RABGAP1L: variants seen among roughly 807,000 people sequenced by gnomAD.
RABGAP1L encodes rab GTPase-activating protein 1-like.
RABGAP1L carries 63 observed loss-of-function variants against 137.7 expected under a neutral mutation model. The observed-to-expected ratio is 0.46, with a 90% CI of 0.37 to 0.56. RABGAP1L has a LOEUF of 0.56. Among genes scored for constraint, RABGAP1L ranks in the 20% least tolerant of loss-of-function variants. The probability of loss-of-function intolerance (pLI) is 0.00; values close to 1 mark genes in which losing one functional copy is unlikely to be tolerated. For synonymous variants in RABGAP1L, 431 were observed against 433.7 expected (o/e 0.99, Z 0.08); for missense variants, 1,095 against 1,244.0 (o/e 0.88, Z 1.80).
At chr1:174,460,817 C>G (rs1380841423) in intron 13 of RABGAP1L, among the ~76,000 whole-genome samples, 3 of 151,800 alleles carry the variant, frequency 2.0e-5, no homozygotes, top group African/African-American at 7.3e-5. Flanking sequence ...TTTTTTCTTC[C>G]CTACACTAAA....
intron 13 of RABGAP1L, among the ~76,000 whole-genome samples, chr1:174,437,319 G>C (rs1433785330): frequency 6.7e-6 from 1 of 150,100 alleles, no homozygotes; most frequent in Non-Finnish European, 1.5e-5. Context: ...TAAAAACTTT[G>C]AAAAAAAATT....
chr1:174,704,847 A>T (rs1406855604), intron 17 of RABGAP1L, among the ~76,000 whole-genome samples: 1 of 152,202 alleles, frequency 6.6e-6, no homozygotes, highest in Non-Finnish European at 1.5e-5. Context: ...CCGCTATTTT[A>T]TAGGGCAATA....
At chr1:174,828,520 A>T (rs1324330414) in intron 19 of RABGAP1L, among the ~76,000 whole-genome samples, 6 of 148,198 alleles carry the variant, frequency 4.0e-5, no homozygotes, top group African/African-American at 1.5e-4. Context: ...GGAGTGGACA[A>T]GTCTAGGTTT....
At chr1:174,692,025 A>T (rs1678911533) in intron 15 of RABGAP1L, among the ~76,000 whole-genome samples, 1 of 152,200 alleles carries the variant, frequency 6.6e-6, no homozygotes, top group South Asian at 2.1e-4. Flanking sequence ...TTGGAATAGA[A>T]TTACAGGAAA....
chr1:174,522,354 A>T (rs1282299755), intron 13 of RABGAP1L, among the ~76,000 whole-genome samples: 1 of 152,094 alleles, frequency 6.6e-6, no homozygotes, highest in Admixed American at 6.5e-5. Context: ...TAGGCAGGTG[A>T]TCATGTGAGC....
intron 11 of RABGAP1L, among the ~76,000 whole-genome samples, chr1:174,355,993 C>G (rs74128367): frequency 0.012 from 1,867 of 152,228 alleles, 47 homozygotes; most frequent in African/African-American, 0.043. Context: ...TTCTGTAGAA[C>G]AAGTATAGTA....
At chr1:174,486,656 T>C (rs1351154102) in intron 13 of RABGAP1L, among the ~76,000 whole-genome samples, 1 of 152,062 alleles carries the variant, frequency 6.6e-6, no homozygotes, top group Non-Finnish European at 1.5e-5. Context: ...TCTGCTCTGA[T>C]CTTTATTACA....
chr1:174,240,444 C>T (rs1671710058), intron 4 of RABGAP1L, among the ~76,000 whole-genome samples: 1 of 152,172 alleles, frequency 6.6e-6, no homozygotes. Flanking sequence ...GATGGGATTT[C>T]ACCGTGTTGG....
chr1:174,621,868 T>C (rs1317239558), intron 13 of RABGAP1L, among the ~76,000 whole-genome samples: 3 of 152,132 alleles, frequency 2.0e-5, no homozygotes, highest in Non-Finnish European at 2.9e-5. Context: ...CTAATTAAAC[T>C]AAAGAGCTTC....
intron 19 of RABGAP1L, chr1:174,954,055 A>G (rs1279811878): frequency 6.6e-6 from 1 of 152,244 alleles, no homozygotes; most frequent in Non-Finnish European, 1.5e-5. Context: ...CTCCAGAAAG[A>G]AAAATTTCAA....
chr1:174,511,114 A>G (rs752357179), intron 13 of RABGAP1L, among the ~76,000 whole-genome samples: 6 of 152,228 alleles, frequency 3.9e-5, no homozygotes, highest in Non-Finnish European at 5.9e-5. Flanking sequence ...AGGTTTGAAT[A>G]GATGTTTGAA....
chr1:174,442,640 G>T (rs1654289300), intron 13 of RABGAP1L, among the ~76,000 whole-genome samples: 2 of 152,114 alleles, frequency 1.3e-5, no homozygotes, highest in South Asian at 4.1e-4. Flanking sequence ...GGGTACATGT[G>T]ATATTTTGAT....
intron 4 of RABGAP1L, among the ~76,000 whole-genome samples, chr1:174,235,178 G>C (rs1391951152): frequency 6.9e-6 from 1 of 144,300 alleles, no homozygotes; most frequent in Non-Finnish European, 1.5e-5. Context: ...CTGAGACAAT[G>C]GGGTTTTCTA....
intron 19 of RABGAP1L, among the ~76,000 whole-genome samples, chr1:174,918,823 A>AC (rs545089556): frequency 0.45 from 53,801 of 120,590 alleles, 11,302 homozygotes; most frequent in African/African-American, 0.65. Context: ...AGTGAGACCC[A>AC]CCCCCCCGAT....
chr1:174,697,611 G>T (rs1406573585), intron 15 of RABGAP1L, among the ~76,000 whole-genome samples: 1 of 152,064 alleles, frequency 6.6e-6, no homozygotes, highest in African/African-American at 2.4e-5. Flanking sequence ...GAGCCACCGC[G>T]CCCGGCCTGG....
At chr1:174,563,303 G>A (rs768266498) in intron 13 of RABGAP1L, among the ~76,000 whole-genome samples, 1 of 152,130 alleles carries the variant, frequency 6.6e-6, no homozygotes, top group Non-Finnish European at 1.5e-5. Context: ...ATTTGCACAA[G>A]TATGTTAATT....
At chr1:174,283,341 G>A (rs1675746389) in intron 10 of RABGAP1L, among the ~76,000 whole-genome samples, 1 of 152,056 alleles carries the variant, frequency 6.6e-6, no homozygotes, top group South Asian at 2.1e-4. Context: ...AGGAGGTTGA[G>A]GCTTCAGTGA....
At chr1:174,487,453 T>C (rs1659783559) in intron 13 of RABGAP1L, among the ~76,000 whole-genome samples, 1 of 152,190 alleles carries the variant, frequency 6.6e-6, no homozygotes, top group African/African-American at 2.4e-5. Context: ...ACTCCTACTT[T>C]TTTGGTTTCC....
At chr1:174,864,170 A>G (rs887496149) in intron 19 of RABGAP1L, among the ~76,000 whole-genome samples, 1 of 152,162 alleles carries the variant, frequency 6.6e-6, no homozygotes, top group Non-Finnish European at 1.5e-5. Flanking sequence ...GTATCTCAGA[A>G]GCTCATCTGA....
Sources: allele counts gnomAD v4.1 joint callset (sites outside exome capture counted in the v4.1 genomes callset), GRCh38; gene constraint gnomAD v4.1.1; transcripts MANE v1.5; gene names NCBI Gene and HGNC (gene_info 2026-07-23, HGNC 2026-07-21).